The following CDC42SE2 variants were observed in gnomAD, a reference collection of about 807,000 sequenced individuals.
The protein encoded by CDC42SE2 is CDC42 small effector protein 2.
A neutral mutation model predicts 11.5 loss-of-function variants in CDC42SE2; 3 were observed. That is an observed-to-expected ratio of 0.26 (90% CI 0.12 to 0.67). The LOEUF (loss-of-function observed/expected upper bound fraction) is 0.67, where lower values mean the gene tolerates loss of function less well. Among genes scored for constraint, CDC42SE2 ranks in the 30% least tolerant of loss-of-function variants. The pLI is 0.80. For missense variants in CDC42SE2, 82 were observed against 106.8 expected, an observed-to-expected ratio of 0.77 and a Z score of 1.02; for synonymous variants, 33 against 34.8, an observed-to-expected ratio of 0.95 and a Z score of 0.18.
At chr5:131,283,929 C>A (rs1447414148) in intron 1 of CDC42SE2, among the ~76,000 whole-genome samples, 5 of 152,180 alleles carry the variant, frequency 3.3e-5, no homozygotes, top group African/African-American at 1.2e-4. Context: ...TATGAACATT[C>A]ATGTACAAGT....
At chr5:131,284,430 C>T (rs377366713) in intron 1 of CDC42SE2, among the ~76,000 whole-genome samples, 4 of 152,108 alleles carry the variant, frequency 2.6e-5, no homozygotes, top group Non-Finnish European at 4.4e-5. Context: ...CAAAATTGTA[C>T]GTGTACAACT....
At chr5:131,275,404 C>A (rs1274455785) in intron 1 of CDC42SE2, among the ~76,000 whole-genome samples, 2 of 151,222 alleles carry the variant, frequency 1.3e-5, no homozygotes, top group Admixed American at 1.3e-4. Context: ...TCAAGCAATT[C>A]TTGTGCCTCA....
chr5:131,254,939 T>C (rs1343517383), intron 1 of CDC42SE2, among the ~76,000 whole-genome samples: 2 of 152,226 alleles, frequency 1.3e-5, no homozygotes, highest in Non-Finnish European at 2.9e-5. Context: ...ACTTACACCC[T>C]GATCCTCTGA....
At chr5:131,306,140 G>A (rs1367362281) in intron 1 of CDC42SE2, among the ~76,000 whole-genome samples, 1 of 152,214 alleles carries the variant, frequency 6.6e-6, no homozygotes, top group African/African-American at 2.4e-5. Context: ...CCTGAGTAGT[G>A]TGATGAAATC....
intron 3 of CDC42SE2, among the ~76,000 whole-genome samples, chr5:131,364,101 C>A (rs1231238416): frequency 6.6e-6 from 1 of 152,158 alleles, no homozygotes; most frequent in African/African-American, 2.4e-5. Flanking sequence ...ACAGTGAATA[C>A]AACAGATGTC....
intron 2 of CDC42SE2, among the ~76,000 whole-genome samples, chr5:131,337,304 C>G (rs1422067276): frequency 1.3e-5 from 2 of 152,168 alleles, no homozygotes; most frequent in Non-Finnish European, 2.9e-5. Flanking sequence ...ACCGCAAATG[C>G]TGCTGCCTGA....
intron 1 of CDC42SE2, among the ~76,000 whole-genome samples, chr5:131,312,334 G>T (rs965246686): frequency 2.0e-5 from 3 of 152,170 alleles, no homozygotes; most frequent in Non-Finnish European, 4.4e-5. Context: ...GGGAGTGCCA[G>T]TGCTCTCTTC....
At chr5:131,246,489 A>G (rs1756584396) in intron 1 of CDC42SE2, among the ~76,000 whole-genome samples, 1 of 152,154 alleles carries the variant, frequency 6.6e-6, no homozygotes, top group East Asian at 1.9e-4. Flanking sequence ...AAGAAATCAC[A>G]GACACAATTT....
chr5:131,300,402 A>G (rs551742073), intron 1 of CDC42SE2, among the ~76,000 whole-genome samples: 80 of 152,278 alleles, frequency 5.3e-4, no homozygotes, highest in South Asian at 1.9e-3. Flanking sequence ...TAAAGGAAAA[A>G]TCTTGACAGT....
In CDC42SE2 at chr5:131,309,569, C is replaced by G. The variant is rs1286667994; in HGVS notation, c.-454-6407C>G. 1.9e-4 allele frequency among the ~76,000 whole-genome samples: 29 copies of G among 151,450 alleles called. No individual in the cohort carries two copies. The East Asian group carries it at 5.6e-3, about 29-fold the overall frequency. On this transcript the variant is annotated intron_variant, in intron 1 of 4. Transcript: ENST00000505065. ...TGGTAGAATTCGGCTGTGAATCCATCTGGTCCTGGACTCTTTTTGTTTGGT... is the reference window on the plus strand; with the variant it reads ...TGGTAGAATTCGGCTGTGAATCCATGTGGTCCTGGACTCTTTTTGTTTGGT...
chr5:131,291,000 G>C (rs143489202), intron 1 of CDC42SE2, among the ~76,000 whole-genome samples: 1 of 152,016 alleles, frequency 6.6e-6, no homozygotes, highest in Admixed American at 6.6e-5. Flanking sequence ...AGAAAACATC[G>C]GTCAATATAA....
chr5:131,351,104 G>A (rs1758998923), intron 2 of CDC42SE2, among the ~76,000 whole-genome samples: 1 of 151,846 alleles, frequency 6.6e-6, no homozygotes, highest in Non-Finnish European at 1.5e-5. Flanking sequence ...GTGCAACCAT[G>A]CCCAGCTAAT....
intron 1 of CDC42SE2, among the ~76,000 whole-genome samples, chr5:131,298,227 TG>T (rs1458604364): frequency 6.6e-6 from 1 of 151,650 alleles, no homozygotes; most frequent in Non-Finnish European, 1.5e-5. Flanking sequence ...CTCAGCCTCC[TG>T]AGTAGTTGGG....
At chr5:131,365,968 G>A (rs898982741) in intron 3 of CDC42SE2, among the ~76,000 whole-genome samples, 5 of 152,160 alleles carry the variant, frequency 3.3e-5, no homozygotes, top group Middle Eastern at 3.2e-3. Flanking sequence ...GAGACAGAGC[G>A]AGATTCTGTT....
chr5:131,261,352 G>T (rs976683123), upstream of CDC42SE2: 8 of 152,068 alleles, frequency 5.3e-5, no homozygotes, highest in Non-Finnish European at 7.4e-5. Context: ...TGGTATTATT[G>T]TAATTACAAA....
intron 2 of CDC42SE2, among the ~76,000 whole-genome samples, chr5:131,332,528 CTGAGGAAT>C (rs1196668950): frequency 5.4e-4 from 82 of 152,158 alleles, no homozygotes; most frequent in Middle Eastern, 3.4e-3. Flanking sequence ...TTCTAGATCC[CTGAGGAAT>C]TGCCACACCA....
At chr5:131,388,255 A>G (rs1427717523) in intron 4 of CDC42SE2, among the ~76,000 whole-genome samples, 1 of 152,124 alleles carries the variant, frequency 6.6e-6, no homozygotes, top group Non-Finnish European at 1.5e-5. Context: ...TCGGCCTCCC[A>G]AAGTGTTGGG....
At chr5:131,329,668 C>G (rs1422008210) in intron 2 of CDC42SE2, among the ~76,000 whole-genome samples, 3 of 151,740 alleles carry the variant, frequency 2.0e-5, no homozygotes. Context: ...CCCCTGAGGT[C>G]AGGAGTTCAA....
chr5:131,337,672 G>A (rs1758606954), intron 2 of CDC42SE2, among the ~76,000 whole-genome samples: 1 of 152,144 alleles, frequency 6.6e-6, no homozygotes, highest in Non-Finnish European at 1.5e-5. Flanking sequence ...GCAATGGCGG[G>A]CACCCCTCCC....
Sources: gnomAD v4.1 joint callset for allele counts (sites outside exome capture counted in the v4.1 genomes callset) on GRCh38, gnomAD v4.1.1 for gene constraint, MANE v1.5 for transcripts, NCBI Gene and HGNC (gene_info 2026-07-23, HGNC 2026-07-21) for gene names.